The following PNPLA6 variants were observed in gnomAD, a reference collection of about 807,000 sequenced individuals.
PNPLA6 encodes the protein patatin-like phospholipase domain-containing protein 6.
In PNPLA6, 105 loss-of-function variants were observed where a neutral mutation model predicts 153.7. That is an observed-to-expected ratio of 0.68 (90% CI 0.58 to 0.80). The LOEUF (loss-of-function observed/expected upper bound fraction) is 0.80. Ranked by LOEUF, PNPLA6 falls within the 30% of genes least tolerant of loss-of-function variation. The pLI, the probability that PNPLA6 is intolerant of heterozygous loss-of-function variation, is 0.00. For missense variants in PNPLA6, 1,423 were observed against 1,919.3 expected (o/e 0.74, Z 4.83); for synonymous variants, 825 against 822.2 (o/e 1.00, Z -0.06).
intron 2 of PNPLA6, 54 bp downstream of exon 2, chr19:7,536,327 C>T (rs1015531259): frequency 1.4e-4 from 211 of 1,472,368 alleles, no homozygotes; most frequent in Non-Finnish European, 1.9e-4. Flanking sequence ...CGCGCCCCTT[C>T]CCTATTTACA....
intron 11 of PNPLA6, 21 bp downstream of exon 11, chr19:7,542,691 C>G (rs559034912): frequency 6.2e-7 from 1 of 1,612,052 alleles, no homozygotes. Context: ...GGACCCTGCC[C>G]GGTGGTGGAG....
rs574884771 is a variant in PNPLA6 at position 7,536,164 on chromosome 19, A to G, written c.233-27A>G. ...AGGGTGGAGTCTGCACAGAGCTCGG[A>G]GTGCCCCTGTCCCCACCTATCCCCA... On this transcript the variant is annotated intron_variant, in intron 1 of 31. Transcript: ENST00000600737. The G allele has an allele frequency of 6.9e-5, 107 of 1,543,158 alleles. No homozygotes were observed. In the South Asian group the frequency reaches 1.2e-3, roughly 17 times the overall value.
rs1433313104 is a variant in PNPLA6, at chr19:7,540,960, C to T, written c.833C>T (p.Ala278Val). 1.9e-6 allele frequency: 3 copies of T among 1,612,012 alleles called. No homozygotes were observed. Among genetic ancestry groups the T allele is most frequent in the African/African-American group, 1.3e-5 (1 of 74,878 alleles). Residue 278 changes from alanine to valine, a missense_variant, in exon 7 of 32, where the codon GCG becomes GTG. Coordinates refer to ENST00000600737, the MANE Select transcript of PNPLA6 (RefSeq NM_001166114.2). This position sits in a 1 kb window ranked among gnomAD's most constrained non-coding sequence, Gnocchi z 6.8. ...CCCCAGCGGACCGTGTCTGCCCGGG[C>T]GGCCCGGGACTCCACGGTGCTGCGC... ...QHPQRTVSARAARDSTVLRLP... is the reference protein window; with the variant it reads ...QHPQRTVSARVARDSTVLRLP...
At chr19:7,558,591 C>T (rs2023981853) in intron 27 of PNPLA6, among the ~76,000 whole-genome samples, 2 of 152,188 alleles carry the variant, frequency 1.3e-5, no homozygotes, top group Non-Finnish European at 1.5e-5. Flanking sequence ...CAGATCGTGC[C>T]ATTGCACTCC....
At chr19:7,549,494 C>CTGCTTCTT (rs1555747896) in intron 13 of PNPLA6, among the ~76,000 whole-genome samples, 2 of 136,290 alleles carry the variant, frequency 1.5e-5, no homozygotes, top group Admixed American at 1.4e-4. Flanking sequence ...CCTTCTTCTT[C>CTGCTTCTT]TTTTTTTTTT....
Position 7,555,306 on chromosome 19 carries a change from C to T in PNPLA6, c.2875C>T (p.Arg959Cys). 1 of 1,586,128 alleles carries T rather than the reference C, an allele frequency of 6.3e-7. No individual in the cohort carries two copies. The highest frequency in any genetic ancestry group is 8.6e-7 in the Non-Finnish European group (1 of 1,165,992). Reference sequence around the variant, plus strand: ...CGCGGACCGGCACAGCGACTTCTCCCGCTTGGCGAGGGTGCTCACGGGGAA... The same window carrying T: ...CGCGGACCGGCACAGCGACTTCTCCTGCTTGGCGAGGGTGCTCACGGGGAA... ...RRADRHSDFS[R>C]LARVLTGNTI... Residue 959 changes from arginine to cysteine, a missense_variant, in exon 23 of 32, where the codon CGC (arginine) becomes TGC (cysteine). This residue lies in a region of PNPLA6 where 643 missense variants were observed against 835.2 expected (regional missense o/e 0.77). Coordinates refer to ENST00000600737, the MANE Select transcript of PNPLA6 (RefSeq NM_001166114.2). The surrounding 1 kb of genome is among the most constrained non-coding windows in gnomAD (Gnocchi z 6.3).
intron 26 of PNPLA6, chr19:7,556,961 C>A: frequency 1.4e-6 from 1 of 698,650 alleles, no homozygotes; most frequent in South Asian, 1.5e-5. Flanking sequence ...ACGCCATCCC[C>A]GCAGGCTGTG....
chr19:7,551,155 GGGGGTGGGGGCCGGGCCTAGTGTGTGGGC>G (rs1166808646), intron 17 of PNPLA6, 48 bp downstream of exon 17: 11 of 1,224,912 alleles, frequency 9.0e-6, no homozygotes, highest in Non-Finnish European at 1.3e-5. Context: ...GGGACTCCGG[GGGGGTGGGGGCCGGGCCTAGTGTGTGGGC>G]GGGGCTTACA....
chr19:7,551,809 A>C (rs1335139346), intron 18 of PNPLA6, among the ~76,000 whole-genome samples: 1 of 152,122 alleles, frequency 6.6e-6, no homozygotes, highest in East Asian at 1.9e-4. Context: ...AGATCAGAAT[A>C]TGATGGCAGG....
chr19:7,556,783 CTTCCGGG>C, intron 26 of PNPLA6, 59 bp downstream of exon 26: 1 of 1,258,456 alleles, frequency 7.9e-7, no homozygotes, highest in Non-Finnish European at 1.2e-6. Flanking sequence ...TGGGGGGATG[CTTCCGGG>C]AGGGCCGCTG....
rs761166024 is a variant in PNPLA6, at chr19:7,556,697, G to A, written c.3253G>A (p.Ala1085Thr). Residue 1085 changes from alanine to threonine, a missense_variant, in exon 26 of 32, where the codon GCC (alanine) becomes ACC (threonine). Ala to Thr is a moderately conservative substitution (Grantham distance 58). This residue lies in a region of PNPLA6 where 643 missense variants were observed against 835.2 expected (regional missense o/e 0.77). Coordinates refer to ENST00000600737, the MANE Select transcript of PNPLA6 (RefSeq NM_001166114.2). ...PYFNVTTDIT[A>T]SAMRVHKDGS... is the part of the protein sequence containing the mutation. ...CTTCAACGTGACCACAGATATCACC[G>A]CCTCAGCCATGCGAGTCCACAAAGA... is the stretch of plus-strand genomic sequence containing the variant. 1.2e-5 allele frequency: 20 copies of A among 1,613,620 alleles called. No homozygotes were observed. Among genetic ancestry groups the A allele is most frequent in the South Asian group, 3.3e-5 (3 of 91,064 alleles).
chr19:7,554,038 G>C (rs774813362), intron 19 of PNPLA6, 23 bp downstream of exon 19: 2 of 1,610,422 alleles, frequency 1.2e-6, no homozygotes, highest in Non-Finnish European at 1.7e-6. Flanking sequence ...AGGGTCATGG[G>C]TGGGGGCTGG....
Position 7,556,705 on chromosome 19 carries a change from C to T in PNPLA6, c.3261C>T (p.Ala1087=). 1 of 1,613,570 alleles carries T rather than the reference C, an allele frequency of 6.2e-7. No individual in the cohort carries two copies. The highest frequency in any genetic ancestry group is 8.5e-7 in the Non-Finnish European group (1 of 1,179,504). The stretch of plus-strand genomic sequence containing the variant: ...TGACCACAGATATCACCGCCTCAGC[C>T]ATGCGAGTCCACAAAGATGGTGGGT... ...FNVTTDITAS[A]MRVHKDGSLW... The change falls in exon 26 of 32, where the codon GCC becomes GCT. Residue 1087 remains alanine, a synonymous_variant. Transcript: ENST00000600737.
Position 7,542,933 on chromosome 19 carries a change from G to A in PNPLA6, c.1530+5G>A. On this transcript the variant is annotated splice_donor_5th_base_variant and intron_variant, in intron 12 of 31. Transcript: ENST00000600737. ...GCCAAGCTGATGCGGATTGAGGTGG[G>A]CAGCCGAGGGGAGCTGGGCACAGGG... 6.2e-7 allele frequency: 1 copy of A among 1,613,692 alleles called. No individual in the cohort carries two copies. Among genetic ancestry groups the A allele is most frequent in the Non-Finnish European group, 8.5e-7 (1 of 1,179,918 alleles).
chr19:7,534,174 T>C (rs560849), upstream of PNPLA6: 101,788 of 362,652 alleles, frequency 0.28, 15,542 homozygotes, highest in Admixed American at 0.43. Context: ...AAAGGGGCCG[T>C]GCCTGCGGAG....
rs591040 is a variant in PNPLA6 at position 7,540,680 on chromosome 19, C to T, written c.765C>T (p.Asn255=). The T allele has an allele frequency of 0.095, 152,450 of 1,613,114 alleles. 8,166 individuals are homozygous for T. The highest frequency in any genetic ancestry group is 0.18 in the Admixed American group (11,023 of 59,998). Residue 255 remains asparagine, a synonymous_variant, in exon 6 of 32, where the codon AAC becomes AAT. Transcript: ENST00000600737. This position sits in a 1 kb window ranked among gnomAD's most constrained non-coding sequence, Gnocchi z 6.8. ...AAGTGGTTCCTGGGGACAGCGTCAA[C>T]AGCCTTCTCAGCATCCTGGATGTCA... ...VKEVVPGDSV[N]SLLSILDVIT... is the part of the protein sequence containing the mutation.
At position 7,554,240 on chromosome 19, in the gene PNPLA6, C is replaced by A. The variant is rs2023772685; in HGVS notation, c.2433C>A (p.Ile811=). ...GPTLLLNSDI[I]RARLGASALD... is the part of the protein sequence containing the mutation. ...CGCTACTCCTTAACAGTGACATCAT[C>A]CGGGCACGCCTGGGGGCCTCCGCAC... The change falls in exon 20 of 32, where the codon ATC becomes ATA. Residue 811 remains isoleucine, a synonymous_variant. Coordinates refer to ENST00000600737, the MANE Select transcript of PNPLA6 (RefSeq NM_001166114.2). The A allele has an allele frequency of 6.2e-7, 1 of 1,614,024 alleles. No individual in the cohort carries two copies. The highest frequency in any genetic ancestry group is 1.1e-5 in the South Asian group (1 of 91,090).
At chr19:7,545,564 C>G (rs1218197982) in intron 13 of PNPLA6, among the ~76,000 whole-genome samples, 1 of 152,218 alleles carries the variant, frequency 6.6e-6, no homozygotes, top group East Asian at 1.9e-4. Flanking sequence ...AAGAAAGAAA[C>G]GTGTTTACCC....
chr19:7,545,052 A>AAAAAAAAAACTTTTTTTTTTT (rs2023327043), intron 13 of PNPLA6, among the ~76,000 whole-genome samples: 1 of 150,358 alleles, frequency 6.7e-6, no homozygotes, highest in African/African-American at 2.5e-5. Flanking sequence ...TCGGAGACGG[A>AAAAAAAAAACTTTTTTTTTTT]GTCTTGCTCT....
Sources: allele counts gnomAD v4.1 joint callset (sites outside exome capture counted in the v4.1 genomes callset), GRCh38; gene constraint gnomAD v4.1.1; regional missense constraint gnomAD v4.1.1; non-coding constraint Gnocchi (gnomAD v3.1); transcripts MANE v1.5; gene names NCBI Gene and HGNC (gene_info 2026-07-23, HGNC 2026-07-21).